Variants in GMPS observed in about 807,000 individuals in gnomAD.
GMPS encodes the protein GMP synthase [glutamine-hydrolyzing].
A neutral mutation model predicts 77.9 loss-of-function variants in GMPS; 15 were observed. That is an observed-to-expected ratio of 0.19 (90% confidence interval 0.13 to 0.30). GMPS has a LOEUF of 0.30. GMPS is among the 10% of genes least tolerant of loss of function. GMPS has a pLI of 1.00. For synonymous variants in GMPS, 224 were observed against 275.9 expected (o/e 0.81, Z 1.86); for missense variants, 590 against 838.8 (o/e 0.70, Z 3.66).
intron 1 of GMPS, 68 bp from the exon 2 acceptor site, chr3:155,893,450 A>G (rs74740515): frequency 0.053 from 54,278 of 1,033,530 alleles, 2,089 homozygotes; most frequent in East Asian, 0.17. Flanking sequence ...GTGATCATTA[A>G]TTTTTTTTTA....
At chr3:155,870,568 G>A (rs973149479), upstream of GMPS, 3 of 337,974 alleles carry the variant, frequency 8.9e-6, no homozygotes, top group Admixed American at 4.9e-5. Flanking sequence ...GGCTGCGGAG[G>A]GTATCTGAGG....
Position 155,870,840 on chromosome 3 carries a change from C to T in GMPS, c.-31C>T, listed in dbSNP as rs1025624150. ...CTCCCGCCCCGTCTCGTACTGTCGC[C>T]GTCACCGCCGCGGCTCCGGCCCTGG... is the stretch of plus-strand genomic sequence containing the variant. On this transcript the variant is annotated 5_prime_UTR_variant, in exon 1 of 16. Coordinates refer to ENST00000496455, the MANE Select transcript of GMPS (RefSeq NM_003875.3). The T allele has an allele frequency of 2.1e-6, 3 of 1,455,296 alleles. No individual in the cohort carries two copies. Among genetic ancestry groups the T allele is most frequent in the Non-Finnish European group, 2.8e-6 (3 of 1,086,736 alleles). The allele number at this position is 1,455,296 out of a possible 1,614,324, so 90.1% of individuals were successfully genotyped here.
chr3:155,915,756 G>A (rs1755162322), intron 8 of GMPS, among the ~76,000 whole-genome samples: 2 of 150,404 alleles, frequency 1.3e-5, no homozygotes, highest in Non-Finnish European at 3.0e-5. Flanking sequence ...GGCTGGTCTC[G>A]AACTCCTGGC....
At chr3:155,919,541 A>G (rs1035964386) in intron 10 of GMPS, among the ~76,000 whole-genome samples, 5 of 152,176 alleles carry the variant, frequency 3.3e-5, no homozygotes, top group Non-Finnish European at 7.4e-5. Context: ...TTTCCATTGT[A>G]TCTGCATTTA....
At chr3:155,879,567 C>A (rs922004502) in intron 1 of GMPS, among the ~76,000 whole-genome samples, 1 of 151,984 alleles carries the variant, frequency 6.6e-6, no homozygotes, top group Non-Finnish European at 1.5e-5. Flanking sequence ...ACGCCTGACC[C>A]ACTTGTCTTT....
chr3:155,878,839 C>T (rs947980822), intron 1 of GMPS, among the ~76,000 whole-genome samples: 3 of 150,928 alleles, frequency 2.0e-5, no homozygotes, highest in South Asian at 2.1e-4. Flanking sequence ...ACCTGAGAAT[C>T]GGGAGTCCAT....
intron 5 of GMPS, 124 bp from the exon 6 acceptor site, chr3:155,910,568 C>CAAAAAAAAAAAAAAAAAAAAAAAAAA: frequency 4.1e-6 from 1 of 245,320 alleles, no homozygotes. Flanking sequence ...GACTCTGTCT[C>CAAAAAAAAAAAAAAAAAAAAAAAAAA]AAAAAAAAAA....
chr3:155,922,230 T>C lies in GMPS; in HGVS notation c.1362T>C (p.Tyr454=), dbSNP rs201970499. The C allele has an allele frequency of 1.0e-4, 162 of 1,571,012 alleles. 4 individuals carry two copies. In the East Asian group the frequency reaches 1.5e-3, roughly 14 times the overall value. The change falls in exon 11 of 16, where the codon TAT becomes TAC. Residue 454 remains tyrosine (Y), a synonymous_variant. Transcript: ENST00000496455. ...AIRVICAEEP[Y]ICKDFPETNN... Reference sequence around the variant, plus strand: ...GAGTAATATGTGCTGAAGAACCTTATATTTGTAAGGACTTTCCTGAAACCA... The same window carrying C: ...GAGTAATATGTGCTGAAGAACCTTACATTTGTAAGGACTTTCCTGAAACCA...
intron 2 of GMPS, among the ~76,000 whole-genome samples, chr3:155,895,107 G>T (rs1230705116): frequency 6.6e-6 from 1 of 152,064 alleles, no homozygotes; most frequent in Non-Finnish European, 1.5e-5. Flanking sequence ...GAAATCTAAT[G>T]GTGTTTCATG....
At chr3:155,878,516 T>C (rs574839069) in intron 1 of GMPS, among the ~76,000 whole-genome samples, 1 of 152,184 alleles carries the variant, frequency 6.6e-6, no homozygotes, top group Non-Finnish European at 1.5e-5. Context: ...AGTATAAACC[T>C]AGGAGTGGAA....
At chr3:155,907,215 G>A (rs1322308770) in intron 5 of GMPS, among the ~76,000 whole-genome samples, 1 of 152,142 alleles carries the variant, frequency 6.6e-6, no homozygotes. Flanking sequence ...ATAAGCTTGT[G>A]TATTTTTATT....
chr3:155,941,321 C>G lies in GMPS; in HGVS notation c.*3629C>G, dbSNP rs539274817. ...CGGGAGGCTGAGGCAGGAGAATGGC[C>G]TGAACCCAGGAGGCGGAGCTTGCAG... is the stretch of plus-strand genomic sequence containing the variant. On this transcript the variant is annotated 3_prime_UTR_variant, in exon 16 of 16. Coordinates refer to ENST00000496455, the MANE Select transcript of GMPS (RefSeq NM_003875.3). The G allele has an allele frequency of 5.8e-4, 102 of 176,570 alleles. No individual in the cohort carries two copies. The highest frequency in any genetic ancestry group is 2.3e-3 in the African/African-American group (96 of 41,766). The allele number at this position is 176,570 out of a possible 1,614,324, so 10.9% of individuals were successfully genotyped here. A position where few individuals can be genotyped will look rare whatever the true frequency, so the allele number is the denominator to read the frequency against.
rs1755874036 is a variant in GMPS, at chr3:155,940,988, T to C, written c.*3296T>C. 1 of 204,876 alleles carries C rather than the reference T, an allele frequency of 4.9e-6. No homozygotes were observed. The highest frequency in any genetic ancestry group is 6.0e-5 in the Admixed American group (1 of 16,806). The allele number at this position is 204,876 out of a possible 1,614,324, so 12.7% of individuals were successfully genotyped here. A position where few individuals can be genotyped will look rare whatever the true frequency, so the allele number is the denominator to read the frequency against. On this transcript the variant is annotated 3_prime_UTR_variant, in exon 16 of 16. Coordinates refer to ENST00000496455, the MANE Select transcript of GMPS (RefSeq NM_003875.3). The stretch of plus-strand genomic sequence containing the variant: ...AGAGAATATGCTTTGGCTTTGACAC[T>C]AATGAAGTCACCCATCATCAATTAC...
chr3:155,917,084 C>T (rs999434986), intron 9 of GMPS, among the ~76,000 whole-genome samples: 1 of 151,920 alleles, frequency 6.6e-6, no homozygotes, highest in Non-Finnish European at 1.5e-5. Context: ...AGAGATTCTG[C>T]TGCCTCAGCC....
At position 155,943,995 on chromosome 3, in the gene GMPS, T is replaced by C. The variant is rs1755953294; in HGVS notation, c.*6303T>C. ...AGGTGTGCGTATACACATGCACTTA[T>C]AAAATTAAAGTCATATATGTATATA... On this transcript the variant is annotated 3_prime_UTR_variant, in exon 16 of 16. Transcript: ENST00000496455. 1.3e-5 allele frequency: 2 copies of C among 152,336 alleles called. No homozygotes were observed. Among genetic ancestry groups the C allele is most frequent in the South Asian group, 2.1e-4 (1 of 4,824 alleles). 9.4% of individuals were successfully genotyped at this position (152,336 alleles called of 1,614,324 possible). A position where few individuals can be genotyped will look rare whatever the true frequency, so the allele number is the denominator to read the frequency against.
intron 1 of GMPS, among the ~76,000 whole-genome samples, chr3:155,872,749 C>T (rs1281714549): frequency 1.3e-5 from 2 of 152,032 alleles, no homozygotes; most frequent in African/African-American, 2.4e-5. Context: ...TGTTTTATAG[C>T]ATAATTAAAC....
chr3:155,879,508 C>A (rs1227258705), intron 1 of GMPS, among the ~76,000 whole-genome samples: 1 of 152,058 alleles, frequency 6.6e-6, no homozygotes, highest in Non-Finnish European at 1.5e-5. Context: ...CTCAGGTGAT[C>A]TGCCTGCCTT....
chr3:155,884,562 CGAG>C (rs1366414029), intron 1 of GMPS, among the ~76,000 whole-genome samples: 1 of 152,000 alleles, frequency 6.6e-6, no homozygotes. Flanking sequence ...AATTGAAACT[CGAG>C]GGGAAAATTG....
chr3:155,875,956 T>C (rs1008542233), intron 1 of GMPS, among the ~76,000 whole-genome samples: 1 of 152,070 alleles, frequency 6.6e-6, no homozygotes. Context: ...CTGGGGCACA[T>C]GAGCATAAAA....
Sources: allele counts gnomAD v4.1 joint callset (sites outside exome capture counted in the v4.1 genomes callset), GRCh38; gene constraint gnomAD v4.1.1; transcripts MANE v1.5; gene names NCBI Gene and HGNC (gene_info 2026-07-23, HGNC 2026-07-21).